CLASP2: variants seen among roughly 807,000 people sequenced by gnomAD.
CLASP2 encodes the protein CLIP-associating protein 2.
In CLASP2, 47 loss-of-function variants were observed where a neutral mutation model predicts 194.4. That is an observed-to-expected ratio of 0.24 (90% CI 0.19 to 0.31). The LOEUF (loss-of-function observed/expected upper bound fraction) is 0.31. Ranked by LOEUF, CLASP2 falls within the 10% of genes least tolerant of loss-of-function variation. The probability of loss-of-function intolerance (pLI) is 1.00; values close to 1 mark genes in which losing one functional copy is unlikely to be tolerated. For missense variants in CLASP2, 1,445 were observed against 1,823.6 expected, an observed-to-expected ratio of 0.79 and a Z score of 3.78; for synonymous variants, 619 against 633.5, an observed-to-expected ratio of 0.98 and a Z score of 0.34.
intron 32 of CLASP2, among the ~76,000 whole-genome samples, chr3:33,541,522 TC>T (rs879286933): frequency 7.9e-5 from 12 of 152,160 alleles, no homozygotes; most frequent in Non-Finnish European, 1.6e-4. Context: ...TGTGTTTTGT[TC>T]CCCTCTATGT....
chr3:33,620,611 A>G (rs1399828494), intron 11 of CLASP2, among the ~76,000 whole-genome samples: 1 of 152,138 alleles, frequency 6.6e-6, no homozygotes, highest in Non-Finnish European at 1.5e-5. Context: ...GGAGGTGTGG[A>G]TATGTTTGGA....
chr3:33,700,831 C>T (rs1006728092), intron 1 of CLASP2, among the ~76,000 whole-genome samples: 5 of 152,130 alleles, frequency 3.3e-5, no homozygotes, highest in South Asian at 2.1e-4. Context: ...GCCTGGGTGA[C>T]AAGAGTGAAA....
chr3:33,558,053 T>G (rs187791160), intron 29 of CLASP2, among the ~76,000 whole-genome samples: 1 of 152,202 alleles, frequency 6.6e-6, no homozygotes, highest in African/African-American at 2.4e-5. Flanking sequence ...CAGAGACAAA[T>G]ACATTTACTT....
chr3:33,594,974 TAAGAAA>T lies in CLASP2; in HGVS notation c.1949-12_1949-7del. 2.1e-6 allele frequency: 3 copies of T among 1,430,868 alleles called. No individual in the cohort carries two copies. Among genetic ancestry groups the T allele is most frequent in the Non-Finnish European group, 2.8e-6 (3 of 1,070,754 alleles). 88.6% of individuals were successfully genotyped at this position (1,430,868 alleles called of 1,614,324 possible). A position where few individuals can be genotyped will look rare whatever the true frequency, so the allele number is the denominator to read the frequency against. On this transcript the variant is annotated splice_region_variant and splice_polypyrimidine_tract_variant and intron_variant, in intron 19 of 38. Coordinates refer to ENST00000682230, the MANE Select transcript of CLASP2 (RefSeq NM_001365631.1). ...ACCATCTTCAGATGCTGTTCCTAAA[TAAGAAA>T]AATAAAACAACATTTCAACAAATTC...
chr3:33,703,443 G>A (rs868326857), intron 1 of CLASP2, among the ~76,000 whole-genome samples: 13 of 152,088 alleles, frequency 8.5e-5, no homozygotes, highest in Middle Eastern at 6.3e-3. Flanking sequence ...CCAATTCACC[G>A]ACAACACTAA....
At chr3:33,554,074 A>G (rs565029033) in intron 29 of CLASP2, among the ~76,000 whole-genome samples, 1 of 152,140 alleles carries the variant, frequency 6.6e-6, no homozygotes, top group East Asian at 1.9e-4. Context: ...CTAAAAATAC[A>G]AAAATTAGCC....
chr3:33,555,739 C>A (rs1369651234), intron 29 of CLASP2, among the ~76,000 whole-genome samples: 1 of 151,942 alleles, frequency 6.6e-6, no homozygotes, highest in Non-Finnish European at 1.5e-5. Context: ...TATGTTAAAT[C>A]AAAAAATGAA....
At chr3:33,543,673 C>A (rs1317142271) in intron 31 of CLASP2, 134 bp from the exon 32 acceptor site, 9 of 581,282 alleles carry the variant, frequency 1.5e-5, no homozygotes, top group Admixed American at 2.9e-5. Flanking sequence ...TTTAAATATT[C>A]ATGTACTTAC....
chr3:33,557,549 A>G (rs190733220), intron 29 of CLASP2, among the ~76,000 whole-genome samples: 34 of 152,130 alleles, frequency 2.2e-4, no homozygotes, highest in Admixed American at 7.2e-4. Flanking sequence ...CTCCACATAC[A>G]TTTCAGTAGC....
chr3:33,502,075 C>T (rs1191572434), intron 37 of CLASP2: 2 of 233,286 alleles, frequency 8.6e-6, no homozygotes, highest in African/African-American at 4.5e-5. Context: ...TCCAGACTAA[C>T]TTTCCTAAAG....
intron 6 of CLASP2, among the ~76,000 whole-genome samples, chr3:33,666,182 T>C (rs959580286): frequency 1.3e-5 from 2 of 152,212 alleles, no homozygotes; most frequent in Admixed American, 6.5e-5. Flanking sequence ...ACTTTATCTT[T>C]CTAAAATAAC....
chr3:33,618,320 A>G (rs755821260), intron 12 of CLASP2, among the ~76,000 whole-genome samples: 5 of 152,158 alleles, frequency 3.3e-5, no homozygotes, highest in Non-Finnish European at 7.3e-5. Context: ...ACACATATGG[A>G]TAAGGGATGT....
At chr3:33,521,943 A>G (rs919856564) in intron 34 of CLASP2, among the ~76,000 whole-genome samples, 3 of 151,942 alleles carry the variant, frequency 2.0e-5, no homozygotes, top group African/African-American at 7.3e-5. Flanking sequence ...AGCAGCTTGC[A>G]CACAGCTTGT....
At chr3:33,678,333 T>C (rs1008250665) in intron 6 of CLASP2, among the ~76,000 whole-genome samples, 2 of 151,816 alleles carry the variant, frequency 1.3e-5, no homozygotes, top group Admixed American at 1.3e-4. Flanking sequence ...ATTCAAACTA[T>C]AGTAAATCAA....
At chr3:33,504,313 G>A (rs1411919668) in intron 37 of CLASP2, 1 of 152,144 alleles carries the variant, frequency 6.6e-6, no homozygotes, top group Non-Finnish European at 1.5e-5. Flanking sequence ...TATGAGTTTT[G>A]TAGTTTTAGT....
At chr3:33,574,373 T>C in intron 24 of CLASP2, 1 of 713,196 alleles carries the variant, frequency 1.4e-6, no homozygotes, top group Non-Finnish European at 2.2e-6. Flanking sequence ...AGGATTTTAC[T>C]TCTACTTTGA....
chr3:33,654,095 C>T (rs1243663446), intron 7 of CLASP2, among the ~76,000 whole-genome samples: 1 of 150,996 alleles, frequency 6.6e-6, no homozygotes, highest in African/African-American at 2.4e-5. Context: ...ACAGTAAAGC[C>T]ACAACTTGTG....
At chr3:33,641,604 C>A (rs2081306104) in intron 8 of CLASP2, among the ~76,000 whole-genome samples, 1 of 151,874 alleles carries the variant, frequency 6.6e-6, no homozygotes, top group Non-Finnish European at 1.5e-5. Flanking sequence ...AGATTAAACA[C>A]AAGACTTATG....
At chr3:33,710,639 A>C (rs1316510172) in intron 1 of CLASP2, among the ~76,000 whole-genome samples, 3 of 152,162 alleles carry the variant, frequency 2.0e-5, no homozygotes, top group Non-Finnish European at 4.4e-5. Context: ...AACACTTTAA[A>C]TTACCGAGGA....
Sources: gnomAD v4.1 joint callset for allele counts (sites outside exome capture counted in the v4.1 genomes callset) on GRCh38, gnomAD v4.1.1 for gene constraint, MANE v1.5 for transcripts, NCBI Gene and HGNC (gene_info 2026-07-23, HGNC 2026-07-21) for gene names.